Variants in ALDH1A2 observed in about 807,000 individuals in gnomAD.
The protein encoded by ALDH1A2 is aldehyde dehydrogenase 1 family member A2, also known as retinal dehydrogenase 2.
ALDH1A2 carries 27 observed loss-of-function variants against 60.3 expected under a neutral mutation model. The observed-to-expected ratio is 0.45, with a 90% CI of 0.33 to 0.62. The LOEUF is 0.62. Ranked by LOEUF, ALDH1A2 falls within the 20% of genes least tolerant of loss-of-function variation. ALDH1A2 has a pLI of 0.02. For missense variants in ALDH1A2, 581 were observed against 643.8 expected (o/e 0.90, Z 1.06); for synonymous variants, 289 against 232.4 (o/e 1.24, Z -2.21).
chr15:58,007,222 T>G (rs1346149904), intron 4 of ALDH1A2, among the ~76,000 whole-genome samples: 1 of 151,988 alleles, frequency 6.6e-6, no homozygotes, highest in Non-Finnish European at 1.5e-5. Flanking sequence ...AACCTAATCT[T>G]TTATTTCCCC....
rs1896993740 is a variant in ALDH1A2 at position 58,060,361 on chromosome 15, A to G, written c.117+5173T>C. Among the ~76,000 whole-genome samples the G allele has an allele frequency of 2.0e-5, 3 of 152,064 alleles. No homozygotes were observed. In the South Asian group the frequency reaches 6.2e-4, roughly 32 times the overall value. On this transcript the variant is annotated intron_variant, in intron 1 of 12. Transcript: ENST00000249750. ...TGCCACTTACTTTAACACACTTTTC[A>G]TTTAGTCCTTTTAACCCCATAAAGT...
chr15:58,065,244 G>C (rs560742121), intron 1 of ALDH1A2: 59 of 435,470 alleles, frequency 1.4e-4, no homozygotes, highest in Middle Eastern at 1.3e-3. Flanking sequence ...GGGACCGGGA[G>C]AATCGGACAG....
At chr15:58,040,062 T>C (rs540134151) in intron 1 of ALDH1A2, among the ~76,000 whole-genome samples, 148 of 152,038 alleles carry the variant, frequency 9.7e-4, no homozygotes, top group African/African-American at 3.3e-3. Flanking sequence ...ACTTATTGAA[T>C]ACCTACTATG....
At position 57,992,828 on chromosome 15, in the gene ALDH1A2, CAG is replaced by C. The variant is rs1400243514; in HGVS notation, c.685-12_685-11del. ...CGGGAGGAAAGCCAGCCTAAGAAAA[CAG>C]AACAGGAGGAAACGTGGCTGATGAA... On this transcript the variant is annotated splice_polypyrimidine_tract_variant and intron_variant, in intron 6 of 12. Coordinates refer to ENST00000249750, the MANE Select transcript of ALDH1A2 (RefSeq NM_003888.4). 49 of 1,613,916 alleles carry C rather than the reference CAG, an allele frequency of 3.0e-5. No individual in the cohort carries two copies. In the African/African-American group the frequency reaches 5.7e-4, roughly 19 times the overall value.
chr15:57,989,437 A>T (rs1230039699), intron 7 of ALDH1A2, among the ~76,000 whole-genome samples: 1 of 152,220 alleles, frequency 6.6e-6, no homozygotes, highest in Non-Finnish European at 1.5e-5. Context: ...TCGGTTTGAA[A>T]TTTCTTCTAA....
chr15:58,014,709 C>G (rs920371778), intron 1 of ALDH1A2, among the ~76,000 whole-genome samples: 1 of 152,214 alleles, frequency 6.6e-6, no homozygotes, highest in Non-Finnish European at 1.5e-5. Flanking sequence ...CTCAAGGAAA[C>G]TTGAATGGTG....
At chr15:58,045,792 G>T (rs1896626585) in intron 1 of ALDH1A2, among the ~76,000 whole-genome samples, 1 of 151,858 alleles carries the variant, frequency 6.6e-6, no homozygotes, top group Admixed American at 6.6e-5. Flanking sequence ...TAACAAAAAT[G>T]CATGTTCTGC....
In ALDH1A2 at chr15:58,010,752, T is replaced by G. The variant is rs1429505348; in HGVS notation, c.390A>C (p.Lys130Asn). 1 of 1,613,322 alleles carries G rather than the reference T, an allele frequency of 6.2e-7. No individual in the cohort carries two copies. The highest frequency in any genetic ancestry group is 1.7e-5 in the Admixed American group (1 of 59,976). Reference sequence around the variant, plus strand: ...CCACATAAAAAGCTTGCAGGAATGGTTTGCCACCATTTAGGGATTCCATGG... The same window carrying G: ...CCACATAAAAAGCTTGCAGGAATGGGTTGCCACCATTTAGGGATTCCATGG... The part of the protein sequence containing the change: ...LATMESLNGG[K>N]PFLQAFYVDL... The change falls in exon 4 of 13, where the codon AAA (lysine) becomes AAC (asparagine). Residue 130 changes from lysine to asparagine, a missense_variant. Around this residue, in one of 2 missense-constraint regions of ALDH1A2, gnomAD observed 206 missense variants for 174.1 expected, o/e 1.18. Transcript: ENST00000249750.
intron 4 of ALDH1A2, among the ~76,000 whole-genome samples, chr15:58,007,390 G>C (rs1895494910): frequency 6.6e-6 from 1 of 151,994 alleles, no homozygotes; most frequent in African/African-American, 2.4e-5. Flanking sequence ...CTGGGGTAAA[G>C]ACTTCATCAG....
At chr15:58,019,578 C>A (rs535929858) in intron 1 of ALDH1A2, among the ~76,000 whole-genome samples, 13 of 152,160 alleles carry the variant, frequency 8.5e-5, no homozygotes, top group African/African-American at 2.9e-4. Context: ...ATGCTGTAAC[C>A]GAAGGTAAAA....
At chr15:57,990,196 C>G (rs1267498035) in intron 7 of ALDH1A2, 1 of 152,148 alleles carries the variant, frequency 6.6e-6, no homozygotes, top group Non-Finnish European at 1.5e-5. Flanking sequence ...ATAAATGAAA[C>G]CAATACTCTA....
intron 4 of ALDH1A2, among the ~76,000 whole-genome samples, chr15:58,010,032 T>C (rs1032170908): frequency 4.6e-5 from 7 of 152,150 alleles, no homozygotes; most frequent in Non-Finnish European, 1.0e-4. Context: ...ATAACACTCC[T>C]ATAGGGGCCT....
intron 1 of ALDH1A2, chr15:58,014,626 G>GT (rs1895737992): frequency 2.3e-6 from 1 of 438,852 alleles, no homozygotes. Context: ...ATCCATGAGG[G>GT]TTAAATAGCA....
At chr15:58,034,064 C>T (rs938098337) in intron 1 of ALDH1A2, among the ~76,000 whole-genome samples, 2 of 151,592 alleles carry the variant, frequency 1.3e-5, no homozygotes, top group South Asian at 4.1e-4. Flanking sequence ...ATTGAATCTA[C>T]ATATTAACTT....
At position 57,960,832 on chromosome 15, in the gene ALDH1A2, G is replaced by A. The variant is rs767414203; in HGVS notation, c.1422C>T (p.Tyr474=). 10 of 1,613,896 alleles carry A rather than the reference G, an allele frequency of 6.2e-6. No homozygotes were observed. Among genetic ancestry groups the A allele is most frequent in the South Asian group, 5.5e-5 (5 of 91,074 alleles). Residue 474 remains tyrosine, a synonymous_variant, in exon 12 of 13, where the codon TAC becomes TAT. Transcript: ENST00000249750. ...AGGGGCTCTGGGCATTTAAGGCATT[G>A]TAACAATTGATCCTGAAAGAAGAAA... The part of the protein sequence containing the change: ...MQAGTVWINC[Y]NALNAQSPFG...
At chr15:57,993,138 T>C (rs1894950484) in intron 5 of ALDH1A2, 65 bp from the exon 6 acceptor site, 3 of 1,581,908 alleles carry the variant, frequency 1.9e-6, no homozygotes, top group Admixed American at 3.4e-5. Flanking sequence ...GTTTTCAAGC[T>C]GTGACTTCTC....
rs1278111926 is a variant in ALDH1A2 at position 58,065,537 on chromosome 15, G to T, written c.114C>A (p.Thr38=). The T allele has an allele frequency of 6.2e-7, 1 of 1,612,168 alleles. No individual in the cohort carries two copies. Among genetic ancestry groups the T allele is most frequent in the Non-Finnish European group, 8.5e-7 (1 of 1,178,278 alleles). ...CGGGCGCTGGGCGGCCGCTTACCTT[G>T]GTGTACTTAATTTCGAGATTGGGCG... ...SPTPNLEIKY[T]KIFINNEWQN... The change falls in exon 1 of 13, where the codon ACC becomes ACA. Residue 38 remains threonine (T), a synonymous_variant. Coordinates refer to ENST00000249750, the MANE Select transcript of ALDH1A2 (RefSeq NM_003888.4).
In ALDH1A2 at chr15:57,988,643, T is replaced by C. The variant is rs189966237; in HGVS notation, c.798+4062A>G. Among the ~76,000 whole-genome samples the C allele has an allele frequency of 3.2e-3, 487 of 152,326 alleles. 4 individuals are homozygous for C. The highest frequency in any genetic ancestry group is 0.011 in the African/African-American group (467 of 41,580). ...GGCATGGAAACAATCTACATCTTGA[T>C]TCGGATGGTTACACAGGTGTATATA... is the stretch of plus-strand genomic sequence containing the variant. On this transcript the variant is annotated intron_variant, in intron 7 of 12. Transcript: ENST00000249750.
chr15:58,018,851 G>C (rs1402124364), intron 1 of ALDH1A2, among the ~76,000 whole-genome samples: 1 of 152,012 alleles, frequency 6.6e-6, no homozygotes. Context: ...TGAGAGGCTA[G>C]TAAAATGAAA....
Sources: gnomAD v4.1 joint callset for allele counts (sites outside exome capture counted in the v4.1 genomes callset) on GRCh38, gnomAD v4.1.1 for gene constraint, gnomAD v4.1.1 regional missense constraint, MANE v1.5 for transcripts, NCBI Gene and HGNC (gene_info 2026-07-23, HGNC 2026-07-21) for gene names.